The following AP2A1 variants were observed in gnomAD, a reference collection of about 807,000 sequenced individuals.
AP2A1 encodes AP-2 complex subunit alpha-1.
In AP2A1, 21 loss-of-function variants were observed where a neutral mutation model predicts 107.3. The ratio of observed to expected loss-of-function variants is 0.20; its 90% CI spans 0.14 to 0.28. The LOEUF is 0.28. AP2A1 is among the 10% of genes least tolerant of loss of function. The probability of loss-of-function intolerance (pLI) is 1.00; values close to 1 mark genes in which losing one functional copy is unlikely to be tolerated. For synonymous variants in AP2A1, 602 were observed against 564.8 expected (o/e 1.07, Z -0.93); for missense variants, 873 against 1,307.7 (o/e 0.67, Z 5.13).
Position 49,785,832 on chromosome 19 carries a change from G to T in AP2A1, c.473+3108G>T, listed in dbSNP as rs912778561. Reference sequence around the variant, plus strand: ...CTTGGGAGGCTTAGGCAGGAGAATTGCTTGAACCCAGGAGGTGGAGGTTGC... The same window carrying T: ...CTTGGGAGGCTTAGGCAGGAGAATTTCTTGAACCCAGGAGGTGGAGGTTGC... On this transcript the variant is annotated intron_variant, in intron 4 of 22. Coordinates refer to ENST00000354293, the MANE Select transcript of AP2A1 (RefSeq NM_130787.3). The surrounding 1 kb of genome is among the most constrained non-coding windows in gnomAD (Gnocchi z 4.1). Among the ~76,000 whole-genome samples, 1 of 151,994 alleles carries T rather than the reference G, an allele frequency of 6.6e-6. No homozygotes were observed. Among genetic ancestry groups the T allele is most frequent in the South Asian group, 2.1e-4 (1 of 4,808 alleles).
chr19:49,790,811 T>C (rs2073132361), intron 4 of AP2A1, among the ~76,000 whole-genome samples: 1 of 152,238 alleles, frequency 6.6e-6, no homozygotes, highest in Admixed American at 6.5e-5. Context: ...TACACCCATT[T>C]TCTCAGTTTG....
At chr19:49,773,765 G>A (rs1444703732) in intron 1 of AP2A1, among the ~76,000 whole-genome samples, 2 of 152,150 alleles carry the variant, frequency 1.3e-5, no homozygotes, top group African/African-American at 4.8e-5. Flanking sequence ...TCGCTGAAAA[G>A]GTGGCATTGG....
At chr19:49,795,553 T>G in intron 6 of AP2A1, 77 bp from the exon 7 acceptor site, 2 of 978,924 alleles carry the variant, frequency 2.0e-6, no homozygotes, top group Non-Finnish European at 1.6e-6. Context: ...AAGGCACCAT[T>G]TGCTCCACCC....
intron 1 of AP2A1, among the ~76,000 whole-genome samples, chr19:49,767,431 C>T (rs1017894620): frequency 3.3e-5 from 5 of 151,472 alleles, no homozygotes; most frequent in Non-Finnish European, 7.4e-5. Context: ...TCCGGGAGGG[C>T]TTGAAAGGGG....
At chr19:49,802,886 G>T in intron 15 of AP2A1, 63 bp from the exon 16 acceptor site, 2 of 1,547,466 alleles carry the variant, frequency 1.3e-6, no homozygotes, top group Non-Finnish European at 1.8e-6. Context: ...GCACTCAATC[G>T]CTCTGGGCCT....
intron 1 of AP2A1, among the ~76,000 whole-genome samples, chr19:49,773,358 C>A (rs983663031): frequency 6.6e-6 from 1 of 152,194 alleles, no homozygotes; most frequent in African/African-American, 2.4e-5. Context: ...GCCCTGAGCT[C>A]TTCCATCAGA....
chr19:49,797,978 C>T (rs889976567), intron 7 of AP2A1, among the ~76,000 whole-genome samples: 5 of 152,188 alleles, frequency 3.3e-5, no homozygotes, highest in African/African-American at 4.8e-5. Flanking sequence ...AGCCCCCCTA[C>T]ACCTGTTTAT....
chr19:49,798,445 G>T (rs1167384291), intron 7 of AP2A1, among the ~76,000 whole-genome samples: 1 of 152,176 alleles, frequency 6.6e-6, no homozygotes, highest in Admixed American at 6.5e-5. Context: ...GCACCTCTGG[G>T]GAAGGTTCCT....
At position 49,782,688 on chromosome 19, in the gene AP2A1, C is replaced by A. The variant is rs1219473072; in HGVS notation, c.437C>A (p.Ala146Asp). 8 of 1,609,874 alleles carry A rather than the reference C, an allele frequency of 5.0e-6. No homozygotes were observed. Among genetic ancestry groups the A allele is most frequent in the Non-Finnish European group, 6.8e-6 (8 of 1,179,078 alleles). Residue 146 changes from alanine to aspartate, a missense_variant, in exon 4 of 23, where the codon GCC becomes GAC. Coordinates refer to ENST00000354293, the MANE Select transcript of AP2A1 (RefSeq NM_130787.3). Reference protein sequence around the residue: ...ANVGSREMGEAFAADIPRILV... With the variant: ...ANVGSREMGEDFAADIPRILV... ...GTGGGCAGCCGGGAGATGGGCGAGG[C>A]CTTTGCCGCTGACATCCCCCGCATC...
rs2073389869 is a variant in AP2A1 at position 49,806,509 on chromosome 19, TA to T, written c.2791-170del. Reference sequence around the variant, plus strand: ...CTTTCCACCTTTCTCTCATCTTTTATAATTTTCTTCCTCTCTGGCGCCTCTG... The same window carrying T: ...CTTTCCACCTTTCTCTCATCTTTTATATTTTCTTCCTCTCTGGCGCCTCTG... On this transcript the variant is annotated intron_variant, in intron 22 of 22. Transcript: ENST00000354293. The T allele has an allele frequency of 3.5e-6, 5 of 1,448,672 alleles. No individual in the cohort carries two copies. The Admixed American group carries it at 1.1e-4, about 32-fold the overall frequency. 89.7% of individuals were successfully genotyped at this position (1,448,672 alleles called of 1,614,324 possible).
intron 1 of AP2A1, among the ~76,000 whole-genome samples, chr19:49,775,453 T>C (rs1365397278): frequency 6.6e-6 from 1 of 152,128 alleles, no homozygotes; most frequent in East Asian, 1.9e-4. Context: ...TAGCTGGGAC[T>C]ACAGGTGTGC....
At chr19:49,779,507 A>C (rs983352861) in intron 1 of AP2A1, among the ~76,000 whole-genome samples, 4 of 151,368 alleles carry the variant, frequency 2.6e-5, no homozygotes, top group Non-Finnish European at 4.4e-5. Flanking sequence ...AAAAAAAAAA[A>C]AAAACAGAAA....
In AP2A1 at chr19:49,788,945, G is replaced by A. The variant is rs1057410348; in HGVS notation, c.474-2990G>A. Among the ~76,000 whole-genome samples, 1 of 152,190 alleles carries A rather than the reference G, an allele frequency of 6.6e-6. No individual in the cohort carries two copies. The highest frequency in any genetic ancestry group is 1.5e-5 in the Non-Finnish European group (1 of 68,032). On this transcript the variant is annotated intron_variant, in intron 4 of 22. Coordinates refer to ENST00000354293, the MANE Select transcript of AP2A1 (RefSeq NM_130787.3). This position sits in a 1 kb window ranked among gnomAD's most constrained non-coding sequence, Gnocchi z 4.5. The stretch of plus-strand genomic sequence containing the variant: ...ACAGCAGTGGCCTTTCTAGACAGAG[G>A]AAGCCCAGAGCCTCTCCAGAGGGCC...
At chr19:49,781,117 G>A (rs987562260) in intron 1 of AP2A1, among the ~76,000 whole-genome samples, 4 of 152,268 alleles carry the variant, frequency 2.6e-5, no homozygotes, top group Middle Eastern at 3.4e-3. Context: ...GATCAGGGGA[G>A]GCTTTCTGTG....
rs557859716 is a variant in AP2A1 at position 49,806,939 on chromosome 19, TG to T, written c.*187del. 23 of 1,534,212 alleles carry T rather than the reference TG, an allele frequency of 1.5e-5. No individual in the cohort carries two copies. The highest frequency in any genetic ancestry group is 1.6e-5 in the Non-Finnish European group (18 of 1,146,764). ...TGTTCATCTGCTGCTGTTTACATTCTGGGGGGTTAGGGGGAGTCCCCCTCCC... is the reference window on the plus strand; with the variant it reads ...TGTTCATCTGCTGCTGTTTACATTCTGGGGGTTAGGGGGAGTCCCCCTCCC... On this transcript the variant is annotated 3_prime_UTR_variant, in exon 23 of 23. Transcript: ENST00000354293.
chr19:49,801,784 GA>G lies in AP2A1; in HGVS notation c.1851del (p.Lys617AsnfsTer106). The G allele has an allele frequency of 6.4e-7, 1 of 1,568,174 alleles. No individual in the cohort carries two copies. On this transcript the variant is annotated frameshift_variant, in exon 14 of 23. Transcript: ENST00000354293. LOFTEE classifies it high-confidence loss of function. ...ERESSILAKL[K>X]RKKGPGAGSA... ...GCGAGTCGTCCATCCTGGCCAAGCT[GA>G]AACGCAAGAAGGGGCCAGGGGCCGG...
intron 6 of AP2A1, among the ~76,000 whole-genome samples, chr19:49,793,898 C>CTTTTTTTTT (rs956804227): frequency 1.7e-4 from 13 of 74,580 alleles, no homozygotes; most frequent in Admixed American, 3.2e-4. Context: ...CTCATTGTTT[C>CTTTTTTTTT]TTTTTTTTTT....
rs1231267528 is a variant in AP2A1 at position 49,801,976 on chromosome 19, T to A, written c.1954-5T>A. 1.3e-6 allele frequency: 2 copies of A among 1,494,086 alleles called. No homozygotes were observed. Among genetic ancestry groups the A allele is most frequent in the Non-Finnish European group, 1.8e-6 (2 of 1,126,658 alleles). 92.6% of individuals were successfully genotyped at this position (1,494,086 alleles called of 1,614,324 possible). The stretch of plus-strand genomic sequence containing the variant: ...TGTCCTCACCGTGACCTGCGCTTCC[T>A]ACAGTCGACGCCCTCGCCCTCCGCC... On this transcript the variant is annotated splice_region_variant and splice_polypyrimidine_tract_variant and intron_variant, in intron 14 of 22. Transcript: ENST00000354293.
intron 4 of AP2A1, among the ~76,000 whole-genome samples, chr19:49,789,037 A>T (rs148099497): frequency 1.3e-5 from 2 of 152,284 alleles, no homozygotes; most frequent in Non-Finnish European, 2.9e-5. Context: ...CCGTAGCAAC[A>T]GGCGTCAGTC....
Sources: gnomAD v4.1 joint callset for allele counts (sites outside exome capture counted in the v4.1 genomes callset) on GRCh38, gnomAD v4.1.1 for gene constraint, Gnocchi (gnomAD v3.1) non-coding constraint, MANE v1.5 for transcripts, NCBI Gene and HGNC (gene_info 2026-07-23, HGNC 2026-07-21) for gene names.